The following TTC13 variants were observed in gnomAD, a reference collection of about 807,000 sequenced individuals.
The protein encoded by TTC13 is tetratricopeptide repeat protein 13.
TTC13 carries 62 observed loss-of-function variants against 120.0 expected under a neutral mutation model. The observed-to-expected ratio is 0.52, with a 90% CI of 0.42 to 0.64. The LOEUF is 0.64. TTC13 is among the 30% of genes least tolerant of loss of function. The probability of loss-of-function intolerance (pLI) is 0.00; values close to 1 mark genes in which losing one functional copy is unlikely to be tolerated. For missense variants in TTC13, 824 were observed against 1,050.2 expected, an observed-to-expected ratio of 0.78 and a Z score of 2.98; for synonymous variants, 384 against 393.5, an observed-to-expected ratio of 0.98 and a Z score of 0.28.
chr1:230,938,862 C>T (rs1018284233), intron 8 of TTC13, among the ~76,000 whole-genome samples: 4 of 152,174 alleles, frequency 2.6e-5, no homozygotes, highest in African/African-American at 9.7e-5. Flanking sequence ...AGGACCTGCC[C>T]TCCACCGACC....
intron 1 of TTC13, among the ~76,000 whole-genome samples, chr1:230,971,057 C>T (rs1166788020): frequency 2.6e-5 from 4 of 152,048 alleles, no homozygotes; most frequent in Non-Finnish European, 2.9e-5. Context: ...ATAAGACAAC[C>T]ACAGGTGGCC....
intron 22 of TTC13, chr1:230,908,284 C>T: frequency 2.5e-6 from 1 of 394,222 alleles, no homozygotes. Context: ...AACTCCTAGG[C>T]TCAAGAGATC....
chr1:230,968,344 C>T (rs1057280623), intron 1 of TTC13, among the ~76,000 whole-genome samples: 1 of 151,830 alleles, frequency 6.6e-6, no homozygotes, highest in Non-Finnish European at 1.5e-5. Context: ...AAAAAACAAC[C>T]CGGGTCTATT....
At chr1:230,959,898 T>C (rs1676464373) in intron 2 of TTC13, among the ~76,000 whole-genome samples, 1 of 152,156 alleles carries the variant, frequency 6.6e-6, no homozygotes, top group South Asian at 2.1e-4. Flanking sequence ...ATAAAGGGAG[T>C]TTATGTTGAC....
intron 22 of TTC13, among the ~76,000 whole-genome samples, chr1:230,907,757 C>T (rs1296239435): frequency 6.6e-6 from 1 of 152,110 alleles, no homozygotes; most frequent in Non-Finnish European, 1.5e-5. Flanking sequence ...GTTGCTATGT[C>T]AAATAGACGT....
At chr1:230,967,987 T>G (rs954549054) in intron 1 of TTC13, among the ~76,000 whole-genome samples, 2 of 152,252 alleles carry the variant, frequency 1.3e-5, no homozygotes, top group Admixed American at 1.3e-4. Context: ...ATTTCTTCAC[T>G]GCTTCAGAGT....
chr1:230,945,558 T>G (rs6673085), intron 4 of TTC13, 104 bp from the exon 5 acceptor site: 528,336 of 978,390 alleles, frequency 0.54, 145,279 homozygotes, highest in Admixed American at 0.67. Context: ...CAGCTCTACT[T>G]CTTTATGCTA....
At chr1:230,939,545 T>A in intron 7 of TTC13, 49 bp from the exon 8 acceptor site, 2 of 1,272,118 alleles carry the variant, frequency 1.6e-6, no homozygotes, top group Non-Finnish European at 1.1e-6. Context: ...TCATTAGATA[T>A]GTGAACATTT....
Position 230,920,515 on chromosome 1 carries a change from T to A in TTC13, c.1978A>T (p.Met660Leu). The change falls in exon 17 of 23, where the codon ATG becomes TTG. Residue 660 changes from methionine (M) to leucine (L), a missense_variant. Met to Leu is a conservative substitution (Grantham distance 15). Around this residue, in one of 4 missense-constraint regions of TTC13, gnomAD observed 226 missense variants for 259.1 expected, o/e 0.87. Coordinates refer to ENST00000366661, the MANE Select transcript of TTC13 (RefSeq NM_024525.5). ...VHKVEDLLPI[M>L]KQFNTKTKDG... is the part of the protein sequence containing the mutation. ...CATTCTGATGCTAAAGTTACCTTCA[T>A]AATCGGAAGAAGGTCTTCTACTTTG... 6.2e-7 allele frequency: 1 copy of A among 1,611,450 alleles called. No individual in the cohort carries two copies. The highest frequency in any genetic ancestry group is 1.3e-5 in the African/African-American group (1 of 74,990).
At chr1:230,969,249 G>A (rs890049699) in intron 1 of TTC13, among the ~76,000 whole-genome samples, 1 of 144,188 alleles carries the variant, frequency 6.9e-6, no homozygotes, top group African/African-American at 2.6e-5. Context: ...GTGACAAAGC[G>A]ACACTCCATC....
intron 1 of TTC13, among the ~76,000 whole-genome samples, chr1:230,962,660 C>T (rs1676752883): frequency 6.6e-6 from 1 of 152,170 alleles, no homozygotes; most frequent in Non-Finnish European, 1.5e-5. Context: ...TAGCGCTAAT[C>T]ACAGTAGCCA....
chr1:230,922,431 A>T (rs569616918), intron 15 of TTC13, among the ~76,000 whole-genome samples: 1 of 152,118 alleles, frequency 6.6e-6, no homozygotes, highest in Non-Finnish European at 1.5e-5. Flanking sequence ...TCTTCTCCCA[A>T]TGTGCAAATC....
chr1:230,955,346 G>A (rs1675952044), intron 3 of TTC13, among the ~76,000 whole-genome samples: 1 of 152,110 alleles, frequency 6.6e-6, no homozygotes, highest in South Asian at 2.1e-4. Flanking sequence ...GTCATTAAGA[G>A]CTTATACTTT....
intron 14 of TTC13, 128 bp from the exon 15 acceptor site, chr1:230,924,061 T>TAC: frequency 1.7e-6 from 1 of 591,900 alleles, no homozygotes; most frequent in East Asian, 3.0e-5. Context: ...GTGATGTCCA[T>TAC]ACCTACAAAT....
intron 1 of TTC13, among the ~76,000 whole-genome samples, chr1:230,969,045 T>A (rs10779799): frequency 6.6e-6 from 1 of 151,868 alleles, no homozygotes; most frequent in Non-Finnish European, 1.5e-5. Context: ...GAGGCTGAGG[T>A]GGGCGGATCA....
In TTC13 at chr1:230,933,761, T is replaced by G. The variant is rs1429664570; in HGVS notation, c.983+18A>C. 6.8e-7 allele frequency: 1 copy of G among 1,479,300 alleles called. No homozygotes were observed. Among genetic ancestry groups the G allele is most frequent in the Admixed American group, 1.9e-5 (1 of 53,020 alleles). The allele number at this position is 1,479,300 out of a possible 1,614,324, so 91.6% of individuals were successfully genotyped here. The stretch of plus-strand genomic sequence containing the variant: ...TCTTCAGCCTCCCTCCTACCCCAAC[T>G]GTTATTATTTTACTCACCTATATGC... On this transcript the variant is annotated intron_variant, in intron 9 of 22. Transcript: ENST00000366661.
At chr1:230,947,433 G>A (rs976089096) in intron 4 of TTC13, among the ~76,000 whole-genome samples, 1 of 152,100 alleles carries the variant, frequency 6.6e-6, no homozygotes, top group Non-Finnish European at 1.5e-5. Flanking sequence ...GGTGGGAGGC[G>A]GTAAGCCCAG....
chr1:230,957,403 C>G (rs949663888), intron 3 of TTC13, among the ~76,000 whole-genome samples: 3 of 152,208 alleles, frequency 2.0e-5, no homozygotes, highest in Non-Finnish European at 4.4e-5. Flanking sequence ...TGCCACTGCA[C>G]TCCAGCCTGG....
At chr1:230,927,905 T>C (rs1306639002) in intron 12 of TTC13, among the ~76,000 whole-genome samples, 1 of 152,216 alleles carries the variant, frequency 6.6e-6, no homozygotes, top group Non-Finnish European at 1.5e-5. Context: ...ATAAAATAAC[T>C]TAATTGGCCC....
Sources: allele counts gnomAD v4.1 joint callset (sites outside exome capture counted in the v4.1 genomes callset), GRCh38; gene constraint gnomAD v4.1.1; regional missense constraint gnomAD v4.1.1; transcripts MANE v1.5; gene names NCBI Gene and HGNC (gene_info 2026-07-23, HGNC 2026-07-21).